The following ZNF800 variants were observed in gnomAD, a reference collection of about 807,000 sequenced individuals.
ZNF800 encodes zinc finger protein 800.
A neutral mutation model predicts 59.5 loss-of-function variants in ZNF800; 13 were observed. The observed-to-expected ratio is 0.22, with a 90% CI of 0.14 to 0.35. The LOEUF (loss-of-function observed/expected upper bound fraction) is 0.35, where lower values mean the gene tolerates loss of function less well. Among genes scored for constraint, ZNF800 ranks in the 10% least tolerant of loss-of-function variants. The pLI, the probability that ZNF800 is intolerant of heterozygous loss-of-function variation, is 1.00. For synonymous variants in ZNF800, 266 were observed against 265.7 expected, an observed-to-expected ratio of 1.00 and a Z score of -0.01; for missense variants, 621 against 783.7, an observed-to-expected ratio of 0.79 and a Z score of 2.48.
chr7:127,372,207 G>A (rs562109098), intron 5 of ZNF800, among the ~76,000 whole-genome samples: 96 of 151,958 alleles, frequency 6.3e-4, no homozygotes, highest in Admixed American at 1.0e-3. Flanking sequence ...GGCCAGGCAC[G>A]GTGGCTCATG....
chr7:127,372,991 C>A, intron 5 of ZNF800: 1 of 985,196 alleles, frequency 1.0e-6, no homozygotes, highest in Non-Finnish European at 1.2e-6. Context: ...TCAAATTAAA[C>A]CTGTGCAAAG....
intron 3 of ZNF800, among the ~76,000 whole-genome samples, chr7:127,379,993 C>T (rs1443872340): frequency 6.6e-6 from 1 of 151,686 alleles, no homozygotes; most frequent in African/African-American, 2.4e-5. Flanking sequence ...CTTTTCAGGC[C>T]TTCACCTATG....
At chr7:127,367,626 C>T (rs1800540827), downstream of ZNF800, among the ~76,000 whole-genome samples, 1 of 151,176 alleles carries the variant, frequency 6.6e-6, no homozygotes, top group African/African-American at 2.4e-5. Context: ...ATAAACACAA[C>T]ACTGGTGAAA....
At chr7:127,388,538 T>G (rs931831597) in intron 2 of ZNF800, among the ~76,000 whole-genome samples, 1 of 152,156 alleles carries the variant, frequency 6.6e-6, no homozygotes, top group African/African-American at 2.4e-5. Flanking sequence ...CAGAAATAAA[T>G]AAGGGAAGGA....
intron 1 of ZNF800, among the ~76,000 whole-genome samples, chr7:127,356,175 G>C (rs535533773): frequency 6.6e-6 from 1 of 152,022 alleles, no homozygotes; most frequent in South Asian, 2.1e-4. Flanking sequence ...CTAAAGCAAT[G>C]ATGTATAACC....
intron 5 of ZNF800, among the ~76,000 whole-genome samples, chr7:127,372,129 C>T (rs1026926631): frequency 6.6e-6 from 1 of 152,074 alleles, no homozygotes; most frequent in Admixed American, 6.5e-5. Flanking sequence ...GGAGTCTACT[C>T]ATTTTATGTT....
chr7:127,388,520 T>C (rs893189567), intron 2 of ZNF800, among the ~76,000 whole-genome samples: 17 of 152,230 alleles, frequency 1.1e-4, no homozygotes, highest in African/African-American at 4.1e-4. Flanking sequence ...AATTGGAGAA[T>C]GAAAAAACAG....
At chr7:127,370,013 T>C (rs1800593331), downstream of ZNF800, 2 of 152,138 alleles carry the variant, frequency 1.3e-5, no homozygotes, top group African/African-American at 4.8e-5. Flanking sequence ...ATGTCTTGTG[T>C]GTAGGAATGC....
Position 127,374,725 on chromosome 7 carries a change from G to A in ZNF800, c.611C>T (p.Ala204Val). The A allele has an allele frequency of 6.2e-7, 1 of 1,614,018 alleles. No homozygotes were observed. Among genetic ancestry groups the A allele is most frequent in the Non-Finnish European group, 8.5e-7 (1 of 1,179,948 alleles). ...PPVEIVTDEVAPTSDEQPQES... is the reference protein window; with the variant it reads ...PPVEIVTDEVVPTSDEQPQES... ...CTGAGGTTGTTCATCAGATGTAGGT[G>A]CAACTTCATCTGTAACAATCTCAAC... Residue 204 changes from alanine to valine, a missense_variant, in exon 5 of 6, where the codon GCA becomes GTA. Coordinates refer to ENST00000265827, the MANE Select transcript of ZNF800 (RefSeq NM_176814.5).
intron 1 of ZNF800, chr7:127,361,862 A>G (rs999517072): frequency 6.6e-6 from 1 of 152,176 alleles, no homozygotes; most frequent in Non-Finnish European, 1.5e-5. Flanking sequence ...GTAGAAAAGT[A>G]TATCTTTTGG....
chr7:127,345,343 G>C (rs1294632915), downstream of ZNF800, among the ~76,000 whole-genome samples: 3 of 151,862 alleles, frequency 2.0e-5, no homozygotes, highest in Non-Finnish European at 4.4e-5. Context: ...TACAAGTTGA[G>C]ATACAGGATT....
intron 1 of ZNF800, among the ~76,000 whole-genome samples, chr7:127,356,267 G>A (rs575823360): frequency 1.2e-4 from 16 of 137,112 alleles, no homozygotes; most frequent in South Asian, 7.5e-4. Context: ...GTGTGTGTGT[G>A]TGTATGTGTG....
At chr7:127,376,982 T>C (rs142631670) in intron 4 of ZNF800, among the ~76,000 whole-genome samples, 1 of 152,114 alleles carries the variant, frequency 6.6e-6, no homozygotes, top group East Asian at 1.9e-4. Flanking sequence ...GTGGAAAGCA[T>C]TGATATGAAA....
intron 1 of ZNF800, chr7:127,363,818 G>A (rs1025770351): frequency 2.6e-5 from 4 of 151,960 alleles, no homozygotes; most frequent in African/African-American, 9.7e-5. Context: ...AAACTGGAAA[G>A]AATAATCTAT....
intron 1 of ZNF800, among the ~76,000 whole-genome samples, chr7:127,353,426 A>G (rs1800207291): frequency 6.6e-6 from 1 of 152,210 alleles, no homozygotes; most frequent in South Asian, 2.1e-4. Flanking sequence ...ACACACGTAA[A>G]AGCTGTGCTA....
chr7:127,351,852 A>G (rs17862361), intron 1 of ZNF800, among the ~76,000 whole-genome samples: 15,885 of 152,264 alleles, frequency 0.1, 1,075 homozygotes, highest in Middle Eastern at 0.27. Flanking sequence ...TTAGATGGAA[A>G]TGGCTACAAC....
chr7:127,352,181 T>C (rs942395408), intron 1 of ZNF800, among the ~76,000 whole-genome samples: 1 of 152,224 alleles, frequency 6.6e-6, no homozygotes, highest in African/African-American at 2.4e-5. Context: ...CACTCATCTA[T>C]AAACATGGCC....
chr7:127,373,104 C>T, intron 5 of ZNF800: 1 of 985,410 alleles, frequency 1.0e-6, no homozygotes. Flanking sequence ...CTACCTACAA[C>T]TACATTGCAT....
intron 3 of ZNF800, among the ~76,000 whole-genome samples, chr7:127,382,504 C>G (rs927051724): frequency 6.6e-6 from 1 of 152,132 alleles, no homozygotes; most frequent in Non-Finnish European, 1.5e-5. Flanking sequence ...ATATTAGAAA[C>G]ATGATCCTAT....
Sources: allele counts gnomAD v4.1 joint callset (sites outside exome capture counted in the v4.1 genomes callset), GRCh38; gene constraint gnomAD v4.1.1; transcripts MANE v1.5; gene names NCBI Gene and HGNC (gene_info 2026-07-23, HGNC 2026-07-21).